Variants in DYNLT2 observed in about 807,000 individuals in gnomAD.
DYNLT2 encodes the protein dynein light chain Tctex-type 2, also known as dynein light chain Tctex-type protein 2.
DYNLT2 carries 24 observed loss-of-function variants against 24.3 expected under a neutral mutation model. The observed-to-expected ratio is 0.99, with a 90% confidence interval of 0.71 to 1.39. The LOEUF is 1.39. Ranked by LOEUF, DYNLT2 falls within the 40% of genes most tolerant of loss-of-function variation. The pLI is 0.00. For synonymous variants in DYNLT2, 85 were observed against 85.4 expected, an observed-to-expected ratio of 1.00 and a Z score of 0.03; for missense variants, 246 against 234.5, an observed-to-expected ratio of 1.05 and a Z score of -0.32.
chr6:169,751,440 C>CT lies in DYNLT2; in HGVS notation c.18dup (p.Gly7ArgfsTer22), dbSNP rs768778046. 6.2e-6 allele frequency: 10 copies of CT among 1,613,952 alleles called. No individual in the cohort carries two copies. The highest frequency in any genetic ancestry group is 8.5e-6 in the Non-Finnish European group (10 of 1,180,028). ...GTCTGGATGGGGCTCGACTTCACGC[C>CT]TCGGCCTCGCTTCTCCATCTCGCTC... is the stretch of plus-strand genomic sequence containing the variant. On this transcript the variant is annotated frameshift_variant, in exon 1 of 4. Transcript: ENST00000366774. LOFTEE classifies it high-confidence loss of function.
chr6:169,741,590 C>G (rs1401746945), intron 3 of DYNLT2, among the ~76,000 whole-genome samples: 2 of 152,158 alleles, frequency 1.3e-5, no homozygotes, highest in Admixed American at 6.5e-5. Context: ...CTGAAACATT[C>G]CCCCACTGCA....
chr6:169,741,087 A>G (rs1479214516), intron 3 of DYNLT2, among the ~76,000 whole-genome samples: 5 of 152,144 alleles, frequency 3.3e-5, no homozygotes, highest in African/African-American at 1.2e-4. Flanking sequence ...GATTACAGAC[A>G]TGAGCTACCA....
At chr6:169,742,992 C>T in intron 3 of DYNLT2, 88 bp downstream of exon 3, 1 of 1,062,786 alleles carries the variant, frequency 9.4e-7, no homozygotes, top group Non-Finnish European at 1.3e-6. Context: ...ATGGCATGCC[C>T]TTGAGTCATC....
At position 169,742,138 on chromosome 6, in the gene DYNLT2, AAAT is replaced by A. The variant is rs1191779834; in HGVS notation, c.486+939_486+941del. 1.3e-5 allele frequency among the ~76,000 whole-genome samples: 2 copies of A among 152,316 alleles called. 1 individual carries two copies. Among genetic ancestry groups the A allele is most frequent in the South Asian group, 4.1e-4 (2 of 4,830 alleles). ...CTAGTGATATTATCTCTTTATTAAT[AAAT>A]AATGTTTATAATTACCTTGCTGTTT... On this transcript the variant is annotated intron_variant, in intron 3 of 3. Coordinates refer to ENST00000366774, the MANE Select transcript of DYNLT2 (RefSeq NM_174910.3).
chr6:169,743,214 C>T lies in DYNLT2; in HGVS notation c.352G>A (p.Asp118Asn). ...GACAAGTGAGAGAATACTTTATCAT[C>T]ATATTTGACATCTTTAAGACTTTCC... ...LTESLKDVKYDDKVFSHLSLE... is the reference protein window; with the variant it reads ...LTESLKDVKYNDKVFSHLSLE... The change falls in exon 3 of 4, where the codon GAT (aspartate) becomes AAT (asparagine). Residue 118 changes from aspartate (D) to asparagine (N), a missense_variant. Coordinates refer to ENST00000366774, the MANE Select transcript of DYNLT2 (RefSeq NM_174910.3). 1 of 1,548,990 alleles carries T rather than the reference C, an allele frequency of 6.5e-7. No individual in the cohort carries two copies. Among genetic ancestry groups the T allele is most frequent in the South Asian group, 1.3e-5 (1 of 79,184 alleles).
intron 1 of DYNLT2, chr6:169,749,637 T>A (rs1042738315): frequency 1.3e-5 from 2 of 152,238 alleles, no homozygotes; most frequent in African/African-American, 4.8e-5. Context: ...TAAACCTCAA[T>A]CATTTTCTTT....
chr6:169,725,317 C>G, the DYNLT2 span: 1 of 398,558 alleles, frequency 2.5e-6, no homozygotes, highest in East Asian at 3.6e-5. Flanking sequence ...TTATAGTTGC[C>G]TACACTCAAC....
chr6:169,750,358 CTT>C (rs1392443887), intron 1 of DYNLT2: 2 of 152,192 alleles, frequency 1.3e-5, no homozygotes, highest in Non-Finnish European at 2.9e-5. Flanking sequence ...CTGCTCTGCT[CTT>C]TTTCTTAGCT....
the DYNLT2 span, among the ~76,000 whole-genome samples, chr6:169,728,085 TCA>T: frequency 6.6e-6 from 1 of 152,200 alleles, no homozygotes; most frequent in Admixed American, 6.5e-5. Flanking sequence ...TGTCAGGTTC[TCA>T]GTCAAGTTTA....
At chr6:169,734,512 C>T in the DYNLT2 span, among the ~76,000 whole-genome samples, 3 of 152,100 alleles carry the variant, frequency 2.0e-5, no homozygotes, top group Non-Finnish European at 4.4e-5. Context: ...TGAAGTTTGT[C>T]AGCCCTATCA....
chr6:169,726,741 A>G, the DYNLT2 span, among the ~76,000 whole-genome samples: 1 of 152,234 alleles, frequency 6.6e-6, no homozygotes, highest in Non-Finnish European at 1.5e-5. Context: ...CAAATATTTT[A>G]TGGCAAGCCA....
chr6:169,744,041 T>C (rs1789737294), intron 2 of DYNLT2, 27 bp downstream of exon 2: 1 of 1,593,440 alleles, frequency 6.3e-7, no homozygotes, highest in Admixed American at 1.7e-5. Context: ...CATACAATAC[T>C]GCTATCATAT....
rs1178956609 is a variant in DYNLT2, at chr6:169,751,491, C to T, written c.-33G>A. The T allele has an allele frequency of 4.3e-6, 7 of 1,609,850 alleles. No homozygotes were observed. The highest frequency in any genetic ancestry group is 5.9e-6 in the Non-Finnish European group (7 of 1,177,838). ...TGTTCTCCAAGACGCCCACCGCCTC[C>T]CCTTCACCGCCGGCGGTCAAACGCC... On this transcript the variant is annotated 5_prime_UTR_variant, in exon 1 of 4. Coordinates refer to ENST00000366774, the MANE Select transcript of DYNLT2 (RefSeq NM_174910.3).
At chr6:169,735,299 A>T (rs908939294), downstream of DYNLT2, among the ~76,000 whole-genome samples, 1 of 150,876 alleles carries the variant, frequency 6.6e-6, no homozygotes, top group African/African-American at 2.4e-5. Context: ...TTCTTCTCTG[A>T]TGTTAGTTAT....
chr6:169,743,958 G>T, intron 2 of DYNLT2, 110 bp downstream of exon 2: 1 of 1,021,670 alleles, frequency 9.8e-7, no homozygotes, highest in Non-Finnish European at 1.4e-6. Flanking sequence ...TCTGGTTCTA[G>T]TGACAATTGT....
chr6:169,736,569 A>G (rs1037727910), downstream of DYNLT2, among the ~76,000 whole-genome samples: 1 of 152,200 alleles, frequency 6.6e-6, no homozygotes, highest in Non-Finnish European at 1.5e-5. Flanking sequence ...TCCTTCGCTT[A>G]TGAAGCTTAG....
downstream of DYNLT2, among the ~76,000 whole-genome samples, chr6:169,737,869 A>G (rs1004530429): frequency 3.9e-5 from 6 of 152,148 alleles, no homozygotes; most frequent in Admixed American, 3.9e-4. Context: ...GGGGAAACCC[A>G]CTTGTCTGGG....
At chr6:169,736,285 T>A (rs1789561420), downstream of DYNLT2, among the ~76,000 whole-genome samples, 1 of 152,220 alleles carries the variant, frequency 6.6e-6, no homozygotes, top group Non-Finnish European at 1.5e-5. Flanking sequence ...CCTGTCTGTG[T>A]CTTTTAATTG....
In DYNLT2 at chr6:169,749,475, T is replaced by G. The variant is rs868531805; in HGVS notation, c.120+1864A>C. 3.3e-5 allele frequency: 5 copies of G among 152,350 alleles called. No individual in the cohort carries two copies. The South Asian group carries it at 6.2e-4, about 19-fold the overall frequency. 9.4% of individuals were successfully genotyped at this position (152,350 alleles called of 1,614,324 possible). A position where few individuals can be genotyped will look rare whatever the true frequency, so the allele number is the denominator to read the frequency against. On this transcript the variant is annotated intron_variant, in intron 1 of 3. Coordinates refer to ENST00000366774, the MANE Select transcript of DYNLT2 (RefSeq NM_174910.3). ...AATTTTAGTAATCTACTTCGCATTT[T>G]GTTACCTTTGATCGCAACAACAGGA... is the stretch of plus-strand genomic sequence containing the variant.
Sources: allele counts gnomAD v4.1 joint callset (sites outside exome capture counted in the v4.1 genomes callset), GRCh38; gene constraint gnomAD v4.1.1; transcripts MANE v1.5; gene names NCBI Gene and HGNC (gene_info 2026-07-23, HGNC 2026-07-21).